CRB1: variants seen among roughly 807,000 people sequenced by gnomAD.
CRB1 encodes the protein crumbs cell polarity complex component 1.
In CRB1, 83 loss-of-function variants were observed where a neutral mutation model predicts 120.0. The ratio of observed to expected loss-of-function variants is 0.69; its 90% CI spans 0.58 to 0.83. CRB1 has a LOEUF of 0.83. CRB1 is among the 40% of genes least tolerant of loss of function. The pLI is 0.00. For missense variants in CRB1, 1,699 were observed against 1,687.6 expected, an observed-to-expected ratio of 1.01 and a Z score of -0.12; for synonymous variants, 625 against 612.5, an observed-to-expected ratio of 1.02 and a Z score of -0.30.
chr1:197,288,024 G>A (rs1655934344), intron 1 of CRB1, among the ~76,000 whole-genome samples: 2 of 151,736 alleles, frequency 1.3e-5, no homozygotes, highest in Admixed American at 6.6e-5. Flanking sequence ...GAGAGTTTCC[G>A]GGCAACAGCA....
rs574285705 is a variant in CRB1, at chr1:197,477,714, T to G, written c.4056T>G (p.Thr1352=). The change falls in exon 12 of 12, where the codon ACT becomes ACG. Residue 1352 remains threonine (T), a synonymous_variant. Transcript: ENST00000367400. ...TTTTCACCACTATTGGCTCAGTGAC[T>G]GTCGCCTTGTTACTGATCCTCTTGC... ...SDIFTTIGSV[T]VALLLILLLA... 6.2e-7 allele frequency: 1 copy of G among 1,613,980 alleles called. No homozygotes were observed. The highest frequency in any genetic ancestry group is 1.3e-5 in the African/African-American group (1 of 75,056).
the CRB1 span, among the ~76,000 whole-genome samples, chr1:197,255,188 T>A: frequency 3.8e-4 from 58 of 152,138 alleles, no homozygotes; most frequent in African/African-American, 1.3e-3. Context: ...GTACTGCAAA[T>A]CAAGGTGCAC....
At chr1:197,268,682 A>C (rs1267785039) in intron 1 of CRB1, among the ~76,000 whole-genome samples, 200 bp downstream of exon 1, 3 of 152,116 alleles carry the variant, frequency 2.0e-5, no homozygotes, top group Admixed American at 6.6e-5. Context: ...AGATTCTATG[A>C]TTTCCAATAG....
At chr1:197,471,860 C>A (rs1356171463) in intron 11 of CRB1, among the ~76,000 whole-genome samples, 2 of 152,150 alleles carry the variant, frequency 1.3e-5, no homozygotes, top group East Asian at 3.9e-4. Flanking sequence ...AGGTTTTTAC[C>A]ATCCACCAAA....
chr1:197,307,218 A>G (rs1288160787), intron 1 of CRB1, among the ~76,000 whole-genome samples: 2 of 152,176 alleles, frequency 1.3e-5, no homozygotes, highest in Non-Finnish European at 2.9e-5. Context: ...AAGAATCAGT[A>G]TTGCAGAGTT....
intron 5 of CRB1, among the ~76,000 whole-genome samples, chr1:197,396,085 A>G (rs2125423281): frequency 6.6e-6 from 1 of 152,324 alleles, no homozygotes; most frequent in East Asian, 1.9e-4. Flanking sequence ...GATTGTTTAT[A>G]CAGAAAATTT....
chr1:197,327,112 A>AC (rs1558055642), intron 1 of CRB1, among the ~76,000 whole-genome samples: 12 of 115,388 alleles, frequency 1.0e-4, no homozygotes, highest in African/African-American at 4.1e-4. Flanking sequence ...AAAAAAAAAA[A>AC]AAAAAAAAAA....
chr1:197,455,223 C>T (rs1386034731), intron 11 of CRB1, among the ~76,000 whole-genome samples: 1 of 152,074 alleles, frequency 6.6e-6, no homozygotes, highest in African/African-American at 2.4e-5. Flanking sequence ...TTTAAAATGC[C>T]ATTGACATCT....
At chr1:197,406,673 T>C (rs545781252) in intron 5 of CRB1, among the ~76,000 whole-genome samples, 14 of 152,358 alleles carry the variant, frequency 9.2e-5, no homozygotes, top group African/African-American at 3.1e-4. Context: ...ATCTCTAACA[T>C]AAATTTAACA....
intron 5 of CRB1, among the ~76,000 whole-genome samples, chr1:197,410,091 T>G (rs1181832484): frequency 6.6e-6 from 1 of 152,206 alleles, no homozygotes; most frequent in Non-Finnish European, 1.5e-5. Flanking sequence ...GGCCAGTAAG[T>G]GTTAGTTCTA....
intron 1 of CRB1, among the ~76,000 whole-genome samples, chr1:197,280,323 C>T (rs564547669): frequency 2.6e-5 from 4 of 151,890 alleles, no homozygotes; most frequent in East Asian, 3.9e-4. Flanking sequence ...GTGAAAAGAT[C>T]GTCAATCAAG....
chr1:197,209,083 A>T, the CRB1 span, among the ~76,000 whole-genome samples: 1 of 152,176 alleles, frequency 6.6e-6, no homozygotes, highest in Non-Finnish European at 1.5e-5. Context: ...ATGCCCTGCC[A>T]ACAGCATCAA....
At chr1:197,322,524 TTATC>T (rs1658262174) in intron 1 of CRB1, among the ~76,000 whole-genome samples, 1 of 151,828 alleles carries the variant, frequency 6.6e-6, no homozygotes, top group South Asian at 2.1e-4. Context: ...ATATAATGCT[TTATC>T]TATATTTGGT....
chr1:197,241,563 T>G, the CRB1 span, among the ~76,000 whole-genome samples: 3 of 152,166 alleles, frequency 2.0e-5, no homozygotes, highest in Non-Finnish European at 2.9e-5. Context: ...GGTCTATATA[T>G]CTGTTTTGGT....
chr1:197,474,791 A>C (rs113834566), intron 11 of CRB1, among the ~76,000 whole-genome samples: 2 of 152,322 alleles, frequency 1.3e-5, no homozygotes, highest in African/African-American at 2.4e-5. Context: ...AACAGATGAC[A>C]TGATTTACCA....
chr1:197,463,496 GCC>G (rs1558159022), intron 11 of CRB1, among the ~76,000 whole-genome samples: 27 of 152,274 alleles, frequency 1.8e-4, no homozygotes, highest in Non-Finnish European at 3.1e-4. Flanking sequence ...CTGCAGATAT[GCC>G]AACTAAGGGT....
the CRB1 span, among the ~76,000 whole-genome samples, chr1:197,253,914 A>G: frequency 6.6e-6 from 1 of 152,046 alleles, no homozygotes; most frequent in Non-Finnish European, 1.5e-5. Flanking sequence ...TGATATTTTG[A>G]GAGGTTTGTG....
chr1:197,473,195 A>G (rs555544416), intron 11 of CRB1, among the ~76,000 whole-genome samples: 1 of 152,304 alleles, frequency 6.6e-6, no homozygotes, highest in South Asian at 2.1e-4. Flanking sequence ...ATACTAAACA[A>G]GTATCGAAAT....
chr1:197,249,013 TC>T, the CRB1 span, among the ~76,000 whole-genome samples: 1 of 151,992 alleles, frequency 6.6e-6, no homozygotes, highest in East Asian at 1.9e-4. Flanking sequence ...ACCCAAGTGT[TC>T]TTGCCACAGA....
Sources: gnomAD v4.1 joint callset for allele counts (sites outside exome capture counted in the v4.1 genomes callset) on GRCh38, gnomAD v4.1.1 for gene constraint, MANE v1.5 for transcripts, NCBI Gene and HGNC (gene_info 2026-07-23, HGNC 2026-07-21) for gene names.